The following DPYD variants were observed in gnomAD, a reference collection of about 807,000 sequenced individuals.
DPYD encodes dihydropyrimidine dehydrogenase, also known as dihydropyrimidine dehydrogenase [NADP(+)].
Under a neutral mutation model 116.2 loss-of-function variants are expected in DPYD, and 109 were observed. The observed-to-expected ratio is 0.94, with a 90% CI of 0.80 to 1.10. DPYD has a LOEUF of 1.10. Among genes scored for constraint, DPYD ranks in the 50% least tolerant of loss-of-function variants. DPYD has a pLI of 0.00. For synonymous variants in DPYD, 440 were observed against 432.0 expected, an observed-to-expected ratio of 1.02 and a Z score of -0.23; for missense variants, 1,302 against 1,254.5, an observed-to-expected ratio of 1.04 and a Z score of -0.57.
chr1:97,622,474 G>A (rs1656686792), intron 8 of DPYD, among the ~76,000 whole-genome samples: 1 of 151,850 alleles, frequency 6.6e-6, no homozygotes, highest in Admixed American at 6.6e-5. Context: ...CCAAAAAAAA[G>A]CATAAGAAGA....
chr1:97,108,614 A>C (rs113071681), intron 20 of DPYD, among the ~76,000 whole-genome samples: 40 of 152,302 alleles, frequency 2.6e-4, no homozygotes, highest in African/African-American at 8.7e-4. Flanking sequence ...GTAAAACTAA[A>C]GATATTGTAG....
At chr1:97,915,877 T>G (rs1235060350) in intron 1 of DPYD, among the ~76,000 whole-genome samples, 1 of 152,168 alleles carries the variant, frequency 6.6e-6, no homozygotes, top group African/African-American at 2.4e-5. Context: ...CTCATCAGAT[T>G]TTCTTTGTCA....
chr1:97,778,780 G>A (rs1666568585), intron 3 of DPYD, among the ~76,000 whole-genome samples: 1 of 152,080 alleles, frequency 6.6e-6, no homozygotes, highest in South Asian at 2.1e-4. Context: ...CAAAAGAGTA[G>A]TATCTTTGAT....
intron 16 of DPYD, among the ~76,000 whole-genome samples, chr1:97,368,195 A>C (rs1332170235): frequency 1.3e-5 from 2 of 152,118 alleles, no homozygotes; most frequent in Admixed American, 6.6e-5. Context: ...AAAATAACAC[A>C]GTTGGGAATA....
chr1:97,500,851 T>A (rs1385028372), intron 13 of DPYD, among the ~76,000 whole-genome samples: 1 of 152,116 alleles, frequency 6.6e-6, no homozygotes, highest in African/African-American at 2.4e-5. Context: ...TCCAGTCATG[T>A]TCTCTGCCAG....
chr1:97,362,170 A>G (rs1670767084), intron 16 of DPYD, among the ~76,000 whole-genome samples: 2 of 152,244 alleles, frequency 1.3e-5, no homozygotes, highest in African/African-American at 2.4e-5. Flanking sequence ...ACGGACAAAC[A>G]GAGAGCCAAA....
chr1:97,537,769 T>A (rs916997426), intron 12 of DPYD, among the ~76,000 whole-genome samples: 3 of 152,224 alleles, frequency 2.0e-5, no homozygotes, highest in African/African-American at 7.2e-5. Context: ...ATGTCATGAT[T>A]AAAAAGGAAA....
intron 13 of DPYD, among the ~76,000 whole-genome samples, chr1:97,467,422 T>A (rs1315219494): frequency 6.6e-6 from 1 of 152,242 alleles, no homozygotes; most frequent in African/African-American, 2.4e-5. Flanking sequence ...CATGATATCC[T>A]GCCCTTTTAG....
At chr1:97,201,998 T>C (rs1659241442) in intron 19 of DPYD, among the ~76,000 whole-genome samples, 2 of 152,012 alleles carry the variant, frequency 1.3e-5, no homozygotes, top group African/African-American at 4.8e-5. Context: ...TATTTCAGCT[T>C]TGCTACGAAA....
intron 16 of DPYD, among the ~76,000 whole-genome samples, chr1:97,368,243 A>C (rs1397100498): frequency 1.3e-5 from 2 of 152,158 alleles, no homozygotes; most frequent in African/African-American, 2.4e-5. Context: ...TAACAAAGGC[A>C]CTAAAGCTGT....
chr1:97,186,447 A>G (rs898820020), intron 20 of DPYD, among the ~76,000 whole-genome samples: 29 of 152,226 alleles, frequency 1.9e-4, no homozygotes, highest in African/African-American at 6.3e-4. Flanking sequence ...TGAGACTCCA[A>G]TGACTATTAT....
rs1299514218 is a variant in DPYD, at chr1:97,787,880, A to C, written c.233+40234T>G. ...ACTCTACCATTGACCTTTATTGGTC[A>C]CCTGCTGCATACATATAAGAGACAA... On this transcript the variant is annotated intron_variant, in intron 3 of 22. Coordinates refer to ENST00000370192, the MANE Select transcript of DPYD (RefSeq NM_000110.4). Among the ~76,000 whole-genome samples the C allele has an allele frequency of 3.9e-5, 6 of 152,338 alleles. No individual in the cohort carries two copies. The East Asian group carries it at 1.2e-3, about 29-fold the overall frequency.
intron 20 of DPYD, among the ~76,000 whole-genome samples, chr1:97,112,997 T>C (rs1016637301): frequency 9.9e-5 from 15 of 152,270 alleles, no homozygotes; most frequent in African/African-American, 3.6e-4. Context: ...CAAACCCCAA[T>C]AACTTTTCTC....
At chr1:97,505,998 T>G (rs940827954) in intron 13 of DPYD, among the ~76,000 whole-genome samples, 1 of 151,954 alleles carries the variant, frequency 6.6e-6, no homozygotes, top group Non-Finnish European at 1.5e-5. Context: ...GAGTGAATAT[T>G]TAACTAACAC....
At position 97,593,290 on chromosome 1, in the gene DPYD, T is replaced by C; in HGVS notation, c.1056A>G (p.Leu352=). The C allele has an allele frequency of 6.2e-7, 1 of 1,614,166 alleles. No homozygotes were observed. Among genetic ancestry groups the C allele is most frequent in the South Asian group, 1.1e-5 (1 of 91,078 alleles). Residue 352 remains leucine (L), a synonymous_variant, in exon 10 of 23, where the codon CTA becomes CTG. Coordinates refer to ENST00000370192, the MANE Select transcript of DPYD (RefSeq NM_000110.4). ...TGAACACACGGCGAGCTCCACAACG[T>C]AGAGCAGATGTTGCACAGTCAAAGG... The part of the protein sequence containing the change: ...DTAFDCATSA[L]RCGARRVFIV...
intron 20 of DPYD, among the ~76,000 whole-genome samples, chr1:97,163,869 T>C (rs999273400): frequency 1.3e-5 from 2 of 152,192 alleles, no homozygotes; most frequent in Admixed American, 1.3e-4. Context: ...CACCCTCTTT[T>C]AGAAACAAGA....
intron 18 of DPYD, among the ~76,000 whole-genome samples, chr1:97,254,950 A>C (rs530811970): frequency 6.6e-6 from 1 of 152,246 alleles, no homozygotes; most frequent in Non-Finnish European, 1.5e-5. Flanking sequence ...AAGGTGGAAG[A>C]GGAGGTTTGA....
chr1:97,132,488 A>T (rs994677590), intron 20 of DPYD, among the ~76,000 whole-genome samples: 2 of 152,120 alleles, frequency 1.3e-5, no homozygotes, highest in South Asian at 2.1e-4. Flanking sequence ...GTGCATAAAC[A>T]TTTTGTCTTT....
intron 8 of DPYD, among the ~76,000 whole-genome samples, chr1:97,644,589 C>A (rs1658138251): frequency 6.6e-6 from 1 of 151,462 alleles, no homozygotes; most frequent in Non-Finnish European, 1.5e-5. Flanking sequence ...CCACCACACA[C>A]AGCTAGCTTG....
Sources: allele counts gnomAD v4.1 joint callset (sites outside exome capture counted in the v4.1 genomes callset), GRCh38; gene constraint gnomAD v4.1.1; transcripts MANE v1.5; gene names NCBI Gene and HGNC (gene_info 2026-07-23, HGNC 2026-07-21).